Variants in ICE1 observed in about 807,000 individuals in gnomAD.
The protein encoded by ICE1 is interactor of little elongation complex ELL subunit 1.
A neutral mutation model predicts 192.7 loss-of-function variants in ICE1; 64 were observed. That is an observed-to-expected ratio of 0.33 (90% CI 0.27 to 0.41). The LOEUF is 0.41. ICE1 is among the 10% of genes least tolerant of loss of function. The pLI is 1.00. For synonymous variants in ICE1, 1,010 were observed against 984.5 expected, an observed-to-expected ratio of 1.03 and a Z score of -0.49; for missense variants, 2,708 against 2,696.0, an observed-to-expected ratio of 1.00 and a Z score of -0.10.
In ICE1 at chr5:5,461,060, C is replaced by T. The variant is rs568432180; in HGVS notation, c.1726C>T (p.Pro576Ser). Reference sequence around the variant, plus strand: ...ACGAATTAATGAAATCACTTCTGAACCAGACCGTATCACAGTTTCTGGCCA... The same window carrying T: ...ACGAATTAATGAAATCACTTCTGAATCAGACCGTATCACAGTTTCTGGCCA... ...WTRINEITSE[P>S]DRITVSGHFH... Residue 576 changes from proline to serine, a missense_variant, in exon 13 of 19, where the codon CCA becomes TCA. This residue lies in a region of ICE1 where 2,366 missense variants were observed against 2,276.6 expected (regional missense o/e 1.04). Transcript: ENST00000296564. The T allele has an allele frequency of 4.6e-5, 75 of 1,614,040 alleles. 1 individual carries two copies. In the South Asian group the frequency reaches 7.7e-4, roughly 17 times the overall value.
chr5:5,481,067 C>T (rs1739490570), intron 17 of ICE1, among the ~76,000 whole-genome samples: 1 of 152,066 alleles, frequency 6.6e-6, no homozygotes, highest in Non-Finnish European at 1.5e-5. Flanking sequence ...AGTTAGGTGA[C>T]ATCTATATAT....
chr5:5,425,751 G>A (rs1737500511), intron 1 of ICE1, among the ~76,000 whole-genome samples: 1 of 152,142 alleles, frequency 6.6e-6, no homozygotes, highest in Non-Finnish European at 1.5e-5. Flanking sequence ...TAGAAGTAAC[G>A]GTGGTATGCA....
At chr5:5,448,298 AT>A (rs1211069430) in intron 10 of ICE1, among the ~76,000 whole-genome samples, 5 of 152,220 alleles carry the variant, frequency 3.3e-5, no homozygotes, top group African/African-American at 1.2e-4. Flanking sequence ...ATAGTATATT[AT>A]ATAGTAAAGC....
At chr5:5,442,972 AGTTTTTGTT>A (rs1738092671) in intron 5 of ICE1, among the ~76,000 whole-genome samples, 187 bp from the exon 6 acceptor site, 1 of 152,176 alleles carries the variant, frequency 6.6e-6, no homozygotes, top group Admixed American at 6.5e-5. Context: ...TAAGTTTTAT[AGTTTTTGTT>A]GGATTATATT....
intron 3 of ICE1, among the ~76,000 whole-genome samples, chr5:5,439,572 A>G (rs1245517128): frequency 6.6e-6 from 1 of 152,190 alleles, no homozygotes; most frequent in African/African-American, 2.4e-5. Flanking sequence ...GGATTCCGCT[A>G]TGTAGAGAAA....
chr5:5,489,045 A>G, intron 18 of ICE1, 104 bp from the exon 19 acceptor site: 1 of 935,772 alleles, frequency 1.1e-6, no homozygotes, highest in South Asian at 1.6e-5. Context: ...CATTGCTGGC[A>G]GAAAGCATTC....
chr5:5,484,886 G>C (rs1739597728), intron 17 of ICE1, among the ~76,000 whole-genome samples: 1 of 152,160 alleles, frequency 6.6e-6, no homozygotes. Context: ...TGTTGTAAAA[G>C]CACATCCAAG....
intron 17 of ICE1, among the ~76,000 whole-genome samples, chr5:5,480,845 A>T (rs773549530): frequency 1.5e-4 from 23 of 152,240 alleles, no homozygotes; most frequent in Non-Finnish European, 2.4e-4. Context: ...AGAGTGTAGG[A>T]GAACCAAATG....
chr5:5,443,273 T>TA (rs1738104539), intron 6 of ICE1, 29 bp downstream of exon 6: 1 of 1,215,714 alleles, frequency 8.2e-7, no homozygotes, highest in African/African-American at 1.6e-5. Context: ...ACTATAGAAA[T>TA]ACGGTTTTCA....
chr5:5,435,665 TTTTTTTTG>T (rs1579540728), intron 1 of ICE1, among the ~76,000 whole-genome samples: 1 of 120,768 alleles, frequency 8.3e-6, no homozygotes, highest in Non-Finnish European at 1.6e-5. Context: ...GTGTTTTTTT[TTTTTTTTG>T]TTTTGTTTTT....
Position 5,466,436 on chromosome 5 carries a change from G to A in ICE1, c.5995G>A (p.Gly1999Ser). The change falls in exon 14 of 19, where the codon GGT becomes AGT. Residue 1999 changes from glycine (G) to serine (S), a missense_variant. Around this residue, in one of 2 missense-constraint regions of ICE1, gnomAD observed 342 missense variants for 419.3 expected, o/e 0.82. Coordinates refer to ENST00000296564, the MANE Select transcript of ICE1 (RefSeq NM_015325.3). ...TCACGCCCTCTGCAGGGTGTATGTG[G>A]GTATTTGTCGGCAACTCGGAGACTT... ...YIHALCRVYVGICRQLGDLER... is the reference protein window; with the variant it reads ...YIHALCRVYVSICRQLGDLER... 6.2e-7 allele frequency: 1 copy of A among 1,613,164 alleles called. No homozygotes were observed. Among genetic ancestry groups the A allele is most frequent in the South Asian group, 1.1e-5 (1 of 90,908 alleles).
Position 5,478,597 on chromosome 5 carries a change from A to G in ICE1, c.6520+2518A>G, listed in dbSNP as rs568829949. On this transcript the variant is annotated intron_variant, in intron 17 of 18. Coordinates refer to ENST00000296564, the MANE Select transcript of ICE1 (RefSeq NM_015325.3). ...GACTTTCTTCGCAGAATTAGAAAAA[A>G]CTACTTTAAATTTCATATGGAGCCA... Among the ~76,000 whole-genome samples, 12 of 152,352 alleles carry G rather than the reference A, an allele frequency of 7.9e-5. No homozygotes were observed. The South Asian group carries it at 2.5e-3, about 32-fold the overall frequency.
intron 17 of ICE1, among the ~76,000 whole-genome samples, chr5:5,482,161 A>G (rs1014129138): frequency 2.6e-5 from 4 of 152,214 alleles, no homozygotes; most frequent in African/African-American, 9.6e-5. Context: ...GGGATAAAAT[A>G]TGGCTTGTAA....
At chr5:5,451,492 C>T (rs151290992) in intron 10 of ICE1, among the ~76,000 whole-genome samples, 341 of 152,092 alleles carry the variant, frequency 2.2e-3, no homozygotes, top group African/African-American at 7.2e-3. Flanking sequence ...ATTAAACAAA[C>T]AAACAGAAGG....
At chr5:5,450,895 T>G (rs1262307235) in intron 10 of ICE1, among the ~76,000 whole-genome samples, 1 of 152,166 alleles carries the variant, frequency 6.6e-6, no homozygotes, top group Non-Finnish European at 1.5e-5. Flanking sequence ...GTGAGAGACT[T>G]CACAATGTTT....
chr5:5,427,625 C>T (rs1277303581), intron 1 of ICE1, among the ~76,000 whole-genome samples: 1 of 152,160 alleles, frequency 6.6e-6, no homozygotes, highest in African/African-American at 2.4e-5. Context: ...CATTGATAAT[C>T]GCTAGTGATT....
Position 5,422,961 on chromosome 5 carries a change from G to T in ICE1, c.46G>T (p.Asp16Tyr). ...TTCGGCGGCGCCCGGGACGGCGGCG[G>T]ACCTGTCGCGATGTCAGGGCTGCGC... ...THSAAPGTAA[D>Y]LSRCQGCASL... Residue 16 changes from aspartate to tyrosine, a missense_variant, in exon 1 of 19, where the codon GAC becomes TAC. By Grantham distance (160) the Asp-to-Tyr change is radical. Around this residue, in one of 2 missense-constraint regions of ICE1, gnomAD observed 2,366 missense variants for 2,276.6 expected, o/e 1.04. Transcript: ENST00000296564. 1.4e-6 allele frequency: 2 copies of T among 1,456,166 alleles called. No homozygotes were observed. Among genetic ancestry groups the T allele is most frequent in the Non-Finnish European group, 1.8e-6 (2 of 1,106,856 alleles). The allele number at this position is 1,456,166 out of a possible 1,614,324, so 90.2% of individuals were successfully genotyped here.
chr5:5,427,646 C>G (rs568399500), intron 1 of ICE1, among the ~76,000 whole-genome samples: 1 of 152,152 alleles, frequency 6.6e-6, no homozygotes, highest in Non-Finnish European at 1.5e-5. Context: ...TAAGTGTCAT[C>G]GTTTGGAACT....
chr5:5,430,903 T>C (rs1156501949), intron 1 of ICE1, among the ~76,000 whole-genome samples: 1 of 152,246 alleles, frequency 6.6e-6, no homozygotes, highest in African/African-American at 2.4e-5. Flanking sequence ...TAGTGAGTGC[T>C]TACTGCTATG....
Sources: gnomAD v4.1 joint callset for allele counts (sites outside exome capture counted in the v4.1 genomes callset) on GRCh38, gnomAD v4.1.1 for gene constraint, gnomAD v4.1.1 regional missense constraint, MANE v1.5 for transcripts, NCBI Gene and HGNC (gene_info 2026-07-23, HGNC 2026-07-21) for gene names.